The following ACTR3B variants were observed in gnomAD, a reference collection of about 807,000 sequenced individuals.
ACTR3B encodes the protein actin related protein 3B, also known as actin-related protein 3B.
A neutral mutation model predicts 59.0 loss-of-function variants in ACTR3B; 8 were observed. The ratio of observed to expected loss-of-function variants is 0.14; its 90% CI spans 0.08 to 0.24. The LOEUF (loss-of-function observed/expected upper bound fraction) is 0.24, where lower values mean the gene tolerates loss of function less well. Ranked by LOEUF, ACTR3B falls within the 10% of genes least tolerant of loss-of-function variation. The probability of loss-of-function intolerance (pLI) is 1.00; values close to 1 mark genes in which losing one functional copy is unlikely to be tolerated. For missense variants in ACTR3B, 245 were observed against 552.3 expected, an observed-to-expected ratio of 0.44 and a Z score of 5.58; for synonymous variants, 148 against 197.9, an observed-to-expected ratio of 0.75 and a Z score of 2.12.
intron 9 of ACTR3B, among the ~76,000 whole-genome samples, chr7:152,826,026 A>T (rs550039282): frequency 2.0e-5 from 3 of 152,274 alleles, no homozygotes; most frequent in Admixed American, 6.5e-5. Context: ...TCTTTGCTTG[A>T]GTGAGTCGCG....
chr7:152,850,763 A>ATT (rs138869944), intron 9 of ACTR3B, among the ~76,000 whole-genome samples: 1 of 151,392 alleles, frequency 6.6e-6, no homozygotes, highest in Admixed American at 6.6e-5. Context: ...AGAAAAGTGC[A>ATT]TTTTTTTTTC....
At chr7:152,841,937 C>T (rs994251385) in intron 9 of ACTR3B, among the ~76,000 whole-genome samples, 13 of 152,106 alleles carry the variant, frequency 8.5e-5, no homozygotes, top group African/African-American at 2.9e-4. Flanking sequence ...TTTAAATGTA[C>T]GGTTTGAAAA....
intron 1 of ACTR3B, among the ~76,000 whole-genome samples, chr7:152,764,415 C>T (rs942537299): frequency 4.6e-5 from 7 of 152,062 alleles, no homozygotes; most frequent in African/African-American, 1.2e-4. Flanking sequence ...GATCACGACC[C>T]GTGGTCAGGA....
intron 9 of ACTR3B, among the ~76,000 whole-genome samples, chr7:152,845,720 G>A (rs781092332): frequency 2.0e-4 from 30 of 152,176 alleles, no homozygotes; most frequent in East Asian, 5.8e-4. Context: ...CTCTCCCGGC[G>A]CTCAGGAAAA....
At chr7:152,802,305 C>T (rs973528169) in intron 4 of ACTR3B, among the ~76,000 whole-genome samples, 7 of 150,456 alleles carry the variant, frequency 4.7e-5, no homozygotes, top group African/African-American at 1.7e-4. Flanking sequence ...CTAAACAGGC[C>T]TCCAAAAGCA....
In ACTR3B at chr7:152,826,245, G is replaced by A. The variant is rs188078065; in HGVS notation, c.951+1123G>A. On this transcript the variant is annotated intron_variant, in intron 9 of 11. Coordinates refer to ENST00000256001, the MANE Select transcript of ACTR3B (RefSeq NM_020445.6). ...TATATATTAAGTGAAAAAGGAACTT[G>A]TAAAATTTACATATATTTCATTTTA... 3.9e-3 allele frequency among the ~76,000 whole-genome samples: 590 copies of A among 152,158 alleles called. 4 individuals carry two copies. The highest frequency in any genetic ancestry group is 5.4e-3 in the Non-Finnish European group (365 of 68,004).
chr7:152,762,524 A>C (rs1448369509), intron 1 of ACTR3B, among the ~76,000 whole-genome samples: 2 of 152,190 alleles, frequency 1.3e-5, no homozygotes, highest in African/African-American at 4.8e-5. Context: ...AGTTGCAGAG[A>C]TCATACCCTT....
intron 4 of ACTR3B, among the ~76,000 whole-genome samples, chr7:152,810,053 A>G (rs901887186): frequency 2.0e-5 from 3 of 152,148 alleles, no homozygotes; most frequent in African/African-American, 7.2e-5. Flanking sequence ...CCATCTTGCA[A>G]AACTGAAACT....
chr7:152,806,607 A>T (rs1208930754), intron 4 of ACTR3B, among the ~76,000 whole-genome samples: 1 of 152,150 alleles, frequency 6.6e-6, no homozygotes, highest in Non-Finnish European at 1.5e-5. Context: ...TCACCAGTTG[A>T]TTACTGCACC....
rs570971892 is a variant in ACTR3B, at chr7:152,768,637, C to T, written c.44+8711C>T. Among the ~76,000 whole-genome samples, 92 of 151,892 alleles carry T rather than the reference C, an allele frequency of 6.1e-4. 3 individuals are homozygous for T. In the South Asian group the frequency reaches 0.018, roughly 30 times the overall value. On this transcript the variant is annotated intron_variant, in intron 1 of 11. Transcript: ENST00000256001. ...AATTACAGGCGCCCGCCATCACGCC[C>T]AGCTAATTTTTTATATTTAGTAGAG...
chr7:152,839,798 C>CCT (rs1352182550), intron 9 of ACTR3B, among the ~76,000 whole-genome samples: 1 of 28,458 alleles, frequency 3.5e-5, no homozygotes, highest in Admixed American at 3.9e-4. Context: ...CCCCAGTGGC[C>CCT]CTCTTTGCTG....
intron 9 of ACTR3B, among the ~76,000 whole-genome samples, chr7:152,843,927 G>T (rs1029888670): frequency 2.6e-5 from 4 of 152,186 alleles, no homozygotes; most frequent in African/African-American, 9.7e-5. Flanking sequence ...TCCTAGATGT[G>T]TGTGCATGTG....
rs200333938 is a variant in ACTR3B, at chr7:152,842,293, CAG to C, written c.952-9832_952-9831del. On this transcript the variant is annotated intron_variant, in intron 9 of 11. Transcript: ENST00000256001. ...TAATAATAATATGGATCAGTTATAA[CAG>C]TGTGTTATACTGAGTGACTCAGGGC... 2.4e-4 allele frequency among the ~76,000 whole-genome samples: 37 copies of C among 152,186 alleles called. No homozygotes were observed. The East Asian group carries it at 6.8e-3, about 28-fold the overall frequency.
intron 1 of ACTR3B, among the ~76,000 whole-genome samples, chr7:152,779,250 A>G (rs1353675312): frequency 3.9e-5 from 6 of 151,978 alleles, no homozygotes; most frequent in African/African-American, 1.2e-4. Context: ...ATTCCCATTT[A>G]GTGAATCGCG....
At position 152,795,603 on chromosome 7, in the gene ACTR3B, C is replaced by T. The variant is rs115652314; in HGVS notation, c.101-4928C>T. On this transcript the variant is annotated intron_variant, in intron 2 of 11. Transcript: ENST00000256001. ...AGGTAACAGGGTAAATGCTTTAGCTCACAAACAAAAGATTAGCTTTTACTT... is the reference window on the plus strand; with the variant it reads ...AGGTAACAGGGTAAATGCTTTAGCTTACAAACAAAAGATTAGCTTTTACTT... Among the ~76,000 whole-genome samples the T allele has an allele frequency of 5.4e-3, 823 of 152,264 alleles. 8 individuals are homozygous for T. Among genetic ancestry groups the T allele is most frequent in the African/African-American group, 0.019 (776 of 41,534 alleles).
At chr7:152,812,606 G>A (rs1795361674) in intron 4 of ACTR3B, 1 of 136,240 alleles carries the variant, frequency 7.3e-6, no homozygotes, top group East Asian at 2.5e-4. Context: ...TACATATAAT[G>A]TGTGGTTATC....
intron 2 of ACTR3B, among the ~76,000 whole-genome samples, chr7:152,795,080 G>A (rs1216215172): frequency 1.3e-5 from 2 of 148,928 alleles, no homozygotes; most frequent in South Asian, 4.2e-4. Flanking sequence ...TGTCACCCAG[G>A]CTGGAGTGCA....
At chr7:152,818,522 C>T (rs1321479187) in intron 6 of ACTR3B, among the ~76,000 whole-genome samples, 2 of 152,138 alleles carry the variant, frequency 1.3e-5, no homozygotes, top group Admixed American at 1.3e-4. Context: ...ACGATCTCGG[C>T]ACACTGCAAC....
intron 1 of ACTR3B, among the ~76,000 whole-genome samples, chr7:152,782,882 T>TA (rs1417636855): frequency 6.6e-6 from 1 of 152,202 alleles, no homozygotes; most frequent in Non-Finnish European, 1.5e-5. Context: ...TTTGTAAAGA[T>TA]AGAGTGTAAA....
Sources: allele counts gnomAD v4.1 joint callset (sites outside exome capture counted in the v4.1 genomes callset), GRCh38; gene constraint gnomAD v4.1.1; transcripts MANE v1.5; gene names NCBI Gene and HGNC (gene_info 2026-07-23, HGNC 2026-07-21).